Variants in CCDC40 observed in about 807,000 individuals in gnomAD.
CCDC40 encodes the protein coiled-coil domain-containing protein 40.
In CCDC40, 104 loss-of-function variants were observed where a neutral mutation model predicts 124.5. The ratio of observed to expected loss-of-function variants is 0.84; its 90% CI spans 0.71 to 0.98. The LOEUF is 0.98. CCDC40 is among the 50% of genes least tolerant of loss of function. The pLI, the probability that CCDC40 is intolerant of heterozygous loss-of-function variation, is 0.00. For missense variants in CCDC40, 1,463 were observed against 1,503.9 expected, an observed-to-expected ratio of 0.97 and a Z score of 0.45; for synonymous variants, 580 against 602.9, an observed-to-expected ratio of 0.96 and a Z score of 0.56.
At position 80,067,609 on chromosome 17, in the gene CCDC40, C is replaced by A. The variant is rs151038976; in HGVS notation, c.1562+2003C>A. 4,543 of 1,536,232 alleles carry A rather than the reference C, an allele frequency of 3.0e-3. 14 individuals are homozygous for A. The highest frequency in any genetic ancestry group is 7.2e-3 in the Middle Eastern group (43 of 5,986). On this transcript the variant is annotated intron_variant, in intron 10 of 19. Coordinates refer to ENST00000397545, the MANE Select transcript of CCDC40 (RefSeq NM_017950.4). The stretch of plus-strand genomic sequence containing the variant: ...ATACTTCTACGGGGAAGCTTCCTGC[C>A]CGGGGCATCGAGGGCGTTCGCGTCC...
At chr17:80,044,716 AATAT>A (rs10582928) in intron 3 of CCDC40, among the ~76,000 whole-genome samples, 61,220 of 131,946 alleles carry the variant, frequency 0.46, 14,522 homozygotes, top group Middle Eastern at 0.63. Context: ...CAAAAAAAAA[AATAT>A]ATATATATAT....
intron 10 of CCDC40, among the ~76,000 whole-genome samples, chr17:80,071,566 C>T (rs1373844353): frequency 2.6e-5 from 4 of 152,162 alleles, no homozygotes; most frequent in Non-Finnish European, 5.9e-5. Flanking sequence ...CCCGACGTCA[C>T]GATTTTTGGA....
rs1200604814 is a variant in CCDC40, at chr17:80,099,637, C to T, written c.3291C>T (p.Arg1097=). 10 of 1,613,794 alleles carry T rather than the reference C, an allele frequency of 6.2e-6. No homozygotes were observed. Among genetic ancestry groups the T allele is most frequent in the Non-Finnish European group, 7.6e-6 (9 of 1,180,050 alleles). The part of the protein sequence containing the change: ...FRSKQSLVLE[R]QRLDKRLALI... ...CCAAGCAGTCCCTAGTGCTGGAGCG[C>T]CAGCGCCTGGACAAGCGACTGGCTC... is the stretch of plus-strand genomic sequence containing the variant. The change falls in exon 20 of 20, where the codon CGC becomes CGT. Residue 1097 remains arginine, a synonymous_variant. Coordinates refer to ENST00000397545, the MANE Select transcript of CCDC40 (RefSeq NM_017950.4).
At position 80,066,518 on chromosome 17, in the gene CCDC40, G is replaced by A. The variant is rs1270506367; in HGVS notation, c.1562+912G>A. On this transcript the variant is annotated intron_variant, in intron 10 of 19. Transcript: ENST00000397545. This position sits in a 1 kb window ranked among gnomAD's most constrained non-coding sequence, Gnocchi z 4.4. The stretch of plus-strand genomic sequence containing the variant: ...CGCACCTGTAATCCCAACATTTTGG[G>A]AGGCTGAGACGGGTGGGTCACGAGG... 1 of 223,140 alleles carries A rather than the reference G, an allele frequency of 4.5e-6. No homozygotes were observed. The highest frequency in any genetic ancestry group is 8.9e-6 in the Non-Finnish European group (1 of 112,082). The allele number at this position is 223,140 out of a possible 1,614,324, so 13.8% of individuals were successfully genotyped here.
intron 16 of CCDC40, 103 bp downstream of exon 16, chr17:80,088,205 C>G (rs1014785992): frequency 5.1e-6 from 4 of 779,796 alleles, no homozygotes; most frequent in Non-Finnish European, 9.2e-6. Context: ...GCAGCTCACA[C>G]CCATATCCCA....
chr17:80,094,844 C>T (rs1444146996), intron 17 of CCDC40, among the ~76,000 whole-genome samples: 1 of 152,174 alleles, frequency 6.6e-6, no homozygotes, highest in Non-Finnish European at 1.5e-5. Context: ...AACCCAGTCC[C>T]CAGCCCCAGG....
chr17:80,091,099 C>T (rs72849372), intron 17 of CCDC40, among the ~76,000 whole-genome samples: 6,744 of 152,284 alleles, frequency 0.044, 162 homozygotes, highest in Middle Eastern at 0.054. Context: ...CACACAAATG[C>T]ACAGGCAGGG....
intron 3 of CCDC40, among the ~76,000 whole-genome samples, chr17:80,046,450 C>T (rs960724277): frequency 3.3e-5 from 5 of 151,836 alleles, no homozygotes; most frequent in East Asian, 1.9e-4. Flanking sequence ...GGAGGATCAC[C>T]GGAGCCCAGA....
chr17:80,037,688 A>AAAAAAAAATATATATATATATAT, intron 1 of CCDC40, among the ~76,000 whole-genome samples: 15 of 45,704 alleles, frequency 3.3e-4, no homozygotes, highest in African/African-American at 7.7e-4. Context: ...TTTTTTAAAA[A>AAAAAAAAATATATATATATATAT]AGATATACAT....
intron 12 of CCDC40, 83 bp from the exon 13 acceptor site, chr17:80,084,660 C>T (rs1046196712): frequency 1.3e-5 from 20 of 1,530,734 alleles, no homozygotes; most frequent in African/African-American, 5.4e-5. Context: ...ACATCCCGAC[C>T]GTCAGGGAAC....
At chr17:80,055,204 C>G (rs999257089) in intron 7 of CCDC40, among the ~76,000 whole-genome samples, 6 of 151,898 alleles carry the variant, frequency 4.0e-5, no homozygotes, top group Non-Finnish European at 8.8e-5. Context: ...TAGCAGTTAC[C>G]CCAGACTGTT....
intron 10 of CCDC40, chr17:80,065,973 G>T (rs2038035728): frequency 7.8e-6 from 5 of 638,664 alleles, no homozygotes; most frequent in Non-Finnish European, 1.1e-5. Context: ...TGTTCTGCCT[G>T]AGGGCTGCAT....
At chr17:80,075,668 G>A (rs1348270319) in intron 10 of CCDC40, among the ~76,000 whole-genome samples, 1 of 151,944 alleles carries the variant, frequency 6.6e-6, no homozygotes, top group East Asian at 1.9e-4. Flanking sequence ...TAGTAGAGAC[G>A]GGTTTTCACC....
At position 80,099,861 on chromosome 17, in the gene CCDC40, T is replaced by C; in HGVS notation, c.*86T>C. On this transcript the variant is annotated 3_prime_UTR_variant, in exon 20 of 20. Transcript: ENST00000397545. ...ATGAGGGACTTGGAATCTTTTGTGTTCCTAAAAACCACATGTACCCTCAGA... is the reference window on the plus strand; with the variant it reads ...ATGAGGGACTTGGAATCTTTTGTGTCCCTAAAAACCACATGTACCCTCAGA... 1 of 1,487,086 alleles carries C rather than the reference T, an allele frequency of 6.7e-7. No homozygotes were observed. The highest frequency in any genetic ancestry group is 1.8e-5 in the Admixed American group (1 of 56,544). The allele number at this position is 1,487,086 out of a possible 1,614,324, so 92.1% of individuals were successfully genotyped here. A position where few individuals can be genotyped will look rare whatever the true frequency, so the allele number is the denominator to read the frequency against.
At chr17:80,048,217 G>A (rs549422007) in intron 4 of CCDC40, among the ~76,000 whole-genome samples, 7 of 152,248 alleles carry the variant, frequency 4.6e-5, no homozygotes, top group East Asian at 1.9e-4. Context: ...CCGAGATCAC[G>A]CCACTGCACT....
At chr17:80,093,177 C>T (rs1049425622) in intron 17 of CCDC40, among the ~76,000 whole-genome samples, 1 of 152,132 alleles carries the variant, frequency 6.6e-6, no homozygotes, top group Non-Finnish European at 1.5e-5. Context: ...TACGAAATTC[C>T]TCCGACTTCC....
At chr17:80,084,711 A>G (rs779126726) in intron 12 of CCDC40, 32 bp from the exon 13 acceptor site, 5 of 1,613,034 alleles carry the variant, frequency 3.1e-6, no homozygotes, top group South Asian at 1.1e-5. Flanking sequence ...GGTGGGGGCA[A>G]TATTCACAGG....
At chr17:80,052,992 C>T (rs1376222088) in intron 7 of CCDC40, among the ~76,000 whole-genome samples, 3 of 152,120 alleles carry the variant, frequency 2.0e-5, no homozygotes, top group East Asian at 1.9e-4. Flanking sequence ...AAAGCCAGTT[C>T]GAGGAACCTT....
Position 80,065,588 on chromosome 17 carries a change from C to T in CCDC40, c.1544C>T (p.Ala515Val), listed in dbSNP as rs774455448. ...AAGCACCGCGACGAGGCGCACAGGG[C>T]GGTGCTGGAGGCGCTCAGGTACTGC... Reference protein sequence around the residue: ...GMKHRDEAHRAVLEALRGCQH... With the variant: ...GMKHRDEAHRVVLEALRGCQH... Residue 515 changes from alanine to valine, a missense_variant, in exon 10 of 20, where the codon GCG (alanine) becomes GTG (valine). Ala to Val is a moderately conservative substitution (Grantham distance 64). Transcript: ENST00000397545. 1.6e-5 allele frequency: 25 copies of T among 1,612,694 alleles called. 1 individual carries two copies. The South Asian group carries it at 1.6e-4, about 11-fold the overall frequency.
Sources: gnomAD v4.1 joint callset for allele counts (sites outside exome capture counted in the v4.1 genomes callset) on GRCh38, gnomAD v4.1.1 for gene constraint, Gnocchi (gnomAD v3.1) non-coding constraint, MANE v1.5 for transcripts, NCBI Gene and HGNC (gene_info 2026-07-23, HGNC 2026-07-21) for gene names.